The following SH2B1 variants were observed in gnomAD, a reference collection of about 807,000 sequenced individuals.
SH2B1 encodes the protein SH2B adaptor protein 1, also known as SH2B adapter protein 1.
Under a neutral mutation model 62.6 loss-of-function variants are expected in SH2B1, and 15 were observed. That is an observed-to-expected ratio of 0.24 (90% CI 0.16 to 0.37). The LOEUF is 0.37. SH2B1 is among the 10% of genes least tolerant of loss of function. The pLI is 1.00. For missense variants in SH2B1, 925 were observed against 1,015.6 expected, an observed-to-expected ratio of 0.91 and a Z score of 1.21; for synonymous variants, 443 against 438.0, an observed-to-expected ratio of 1.01 and a Z score of -0.14.
At chr16:28,857,031 C>T (rs1475261219) in intron 1 of SH2B1, among the ~76,000 whole-genome samples, 1 of 152,102 alleles carries the variant, frequency 6.6e-6, no homozygotes, top group Non-Finnish European at 1.5e-5. Context: ...ACCTGTAATC[C>T]CATCACTTTG....
In SH2B1 at chr16:28,852,385, TATATATATAC is replaced by T. The variant is rs1428268520; in HGVS notation, c.-301+5567_-301+5576del. 6.4e-5 allele frequency among the ~76,000 whole-genome samples: 3 copies of T among 46,874 alleles called. 1 individual carries two copies. Among genetic ancestry groups the T allele is most frequent in the South Asian group, 1.3e-3 (1 of 762 alleles). The allele number at this position is 46,874 out of a possible 152,430, so 30.8% of individuals were successfully genotyped here. A position where few individuals can be genotyped will look rare whatever the true frequency, so the allele number is the denominator to read the frequency against. ...ATATTTATATATATTTACATATATT[TATATATATAC>T]ATATATATTTACATATATATTTATA... On this transcript the variant is annotated intron_variant, in intron 1 of 10. Coordinates refer to the SH2B1 transcript ENST00000322610.
chr16:28,869,095 A>G lies in SH2B1; in HGVS notation c.1131A>G (p.Pro377=). Residue 377 remains proline, a splice_region_variant and synonymous_variant, in exon 3 of 8, where the codon CCA becomes CCG. Coordinates refer to ENST00000684370, the MANE Select transcript of SH2B1 (RefSeq NM_001387430.1). ...WVSDIQECLS[P]GPCPATSPRP... ...CTGACATCCAAGAATGCCTGAGCCC[A>G]GGGTGAGAAGCCTGACTTCTGTCGC... The G allele has an allele frequency of 1.9e-6, 3 of 1,614,126 alleles. No homozygotes were observed. Among genetic ancestry groups the G allele is most frequent in the Non-Finnish European group, 2.5e-6 (3 of 1,179,986 alleles).
upstream of SH2B1, chr16:28,863,508 G>C (rs1261207565): frequency 1.6e-6 from 1 of 621,592 alleles, no homozygotes; most frequent in Non-Finnish European, 2.7e-6. Context: ...CTGGTTTCCG[G>C]TGCTCGGCGG....
At position 28,873,861 on chromosome 16, in the gene SH2B1, C is replaced by T; in HGVS notation, c.*41C>T. The T allele has an allele frequency of 7.2e-7, 1 of 1,397,588 alleles. No homozygotes were observed. Among genetic ancestry groups the T allele is most frequent in the Non-Finnish European group, 9.3e-7 (1 of 1,079,462 alleles). 86.6% of individuals were successfully genotyped at this position (1,397,588 alleles called of 1,614,324 possible). A position where few individuals can be genotyped will look rare whatever the true frequency, so the allele number is the denominator to read the frequency against. The stretch of plus-strand genomic sequence containing the variant: ...TCCACCCTTTTTAAACCCCCCAGCC[C>T]TGCTCGTGAGATTGGGCTGGGTAGG... On this transcript the variant is annotated 3_prime_UTR_variant, in exon 8 of 8. Coordinates refer to ENST00000684370, the MANE Select transcript of SH2B1 (RefSeq NM_001387430.1). The surrounding 1 kb of genome is among the most constrained non-coding windows in gnomAD (Gnocchi z 4.2).
upstream of SH2B1, chr16:28,863,369 G>C (rs1329224063): frequency 1.8e-5 from 5 of 270,796 alleles, no homozygotes; most frequent in Non-Finnish European, 3.5e-5. Flanking sequence ...CCGCCTCCCC[G>C]CAGGGCCTCC....
intron 1 of SH2B1, among the ~76,000 whole-genome samples, chr16:28,852,849 T>C (rs1212649683): frequency 2.3e-5 from 1 of 43,396 alleles, no homozygotes; most frequent in African/African-American, 7.9e-5. Flanking sequence ...TACATATATA[T>C]ATTTTTATAT....
upstream of SH2B1, chr16:28,863,625 G>T: frequency 6.7e-7 from 1 of 1,487,858 alleles, no homozygotes; most frequent in Non-Finnish European, 9.0e-7. Flanking sequence ...ACGCTCTGGT[G>T]GGATCCAAGC....
chr16:28,866,291 G>T lies in SH2B1; in HGVS notation c.197G>T (p.Arg66Leu). The T allele has an allele frequency of 5.0e-6, 8 of 1,610,314 alleles. No homozygotes were observed. Among genetic ancestry groups the T allele is most frequent in the Non-Finnish European group, 5.9e-6 (7 of 1,179,096 alleles). ...AGPGAEAAFS[R>L]RFAELFLQHF... is the part of the protein sequence containing the mutation. ...CCCGGGGCCGAGGCTGCCTTCTCCC[G>T]CCGTTTTGCTGAGCTCTTCCTGCAG... The change falls in exon 1 of 8, where the codon CGC (arginine) becomes CTC (leucine). Residue 66 changes from arginine to leucine, a missense_variant. Around this residue, in one of 3 missense-constraint regions of SH2B1, gnomAD observed 683 missense variants for 704.0 expected, o/e 0.97. Transcript: ENST00000684370. The surrounding 1 kb of genome is among the most constrained non-coding windows in gnomAD (Gnocchi z 6.3).
In SH2B1 at chr16:28,873,250, T is replaced by C. The variant is rs1963146842; in HGVS notation, c.1898-197T>C. 6.2e-7 allele frequency: 1 copy of C among 1,607,872 alleles called. No individual in the cohort carries two copies. The highest frequency in any genetic ancestry group is 8.5e-7 in the Non-Finnish European group (1 of 1,178,632). ...CGATGCCTCCTGCACCCTCATGCCC[T>C]TCGGAGCGAGTGACTGTGTGTAAGT... On this transcript the variant is annotated intron_variant, in intron 7 of 7. Transcript: ENST00000684370. This position sits in a 1 kb window ranked among gnomAD's most constrained non-coding sequence, Gnocchi z 4.2.
intron 1 of SH2B1, chr16:28,846,891 A>T (rs1596605631): frequency 6.4e-6 from 1 of 155,144 alleles, no homozygotes; most frequent in South Asian, 1.9e-4. Context: ...CTCTTCGCTG[A>T]GACTTTGTTT....
Position 28,865,449 on chromosome 16 carries a change from CCT to C in SH2B1, c.-641_-640del. ...CTCTCTAAGGTCTAGAATCCCAGCT[CCT>C]CTCTAGCCCCCTGCGAGCTGGGGCG... On this transcript the variant is annotated 5_prime_UTR_variant, in exon 1 of 8. An upstream open reading frame in the 5' UTR loses its in-frame stop. Transcript: ENST00000684370. 1.0e-6 allele frequency: 1 copy of C among 985,564 alleles called. No homozygotes were observed. The highest frequency in any genetic ancestry group is 4.7e-5 in the South Asian group (1 of 21,284). The allele number at this position is 985,564 out of a possible 1,614,324, so 61.1% of individuals were successfully genotyped here.
Position 28,870,994 on chromosome 16 carries a change from CGTGTGTGTGTGT to C in SH2B1, c.1310-759_1310-748del, listed in dbSNP as rs35079060. 2.5e-4 allele frequency among the ~76,000 whole-genome samples: 36 copies of C among 141,542 alleles called. 1 individual carries two copies. Among genetic ancestry groups the C allele is most frequent in the Admixed American group, 7.1e-4 (10 of 14,006 alleles). 92.9% of individuals were successfully genotyped at this position (141,542 alleles called of 152,430 possible). A position where few individuals can be genotyped will look rare whatever the true frequency, so the allele number is the denominator to read the frequency against. ...GAGCCACTGTGTGCAGCCAGAATTC[CGTGTGTGTGTGT>C]GTGTGTGTGTGTGTGTGTGTGTGTG... On this transcript the variant is annotated intron_variant, in intron 4 of 7. Coordinates refer to ENST00000684370, the MANE Select transcript of SH2B1 (RefSeq NM_001387430.1).
In SH2B1 at chr16:28,865,612, C is replaced by T. The variant is rs1190814884; in HGVS notation, c.-483C>T. On this transcript the variant is annotated 5_prime_UTR_variant, in exon 1 of 8. Transcript: ENST00000684370. ...CATCTGTTCGAGAGGTCTTTGAAACCTCTCAGGGAAAGGTAAGATAACCAA... is the reference window on the plus strand; with the variant it reads ...CATCTGTTCGAGAGGTCTTTGAAACTTCTCAGGGAAAGGTAAGATAACCAA... 1 of 987,098 alleles carries T rather than the reference C, an allele frequency of 1.0e-6. No homozygotes were observed. Among genetic ancestry groups the T allele is most frequent in the Non-Finnish European group, 1.2e-6 (1 of 831,168 alleles). The allele number at this position is 987,098 out of a possible 1,614,324, so 61.1% of individuals were successfully genotyped here.
At chr16:28,857,880 C>T (rs1962358098) in intron 1 of SH2B1, among the ~76,000 whole-genome samples, 1 of 151,942 alleles carries the variant, frequency 6.6e-6, no homozygotes, top group Non-Finnish European at 1.5e-5. Context: ...GCTGGGACTA[C>T]AGGCGCCCAC....
In SH2B1 at chr16:28,873,745, G is replaced by T; in HGVS notation, c.2196G>T (p.Gln732His). The T allele has an allele frequency of 6.7e-7, 1 of 1,487,796 alleles. No homozygotes were observed. The highest frequency in any genetic ancestry group is 8.9e-7 in the Non-Finnish European group (1 of 1,118,378). 92.2% of individuals were successfully genotyped at this position (1,487,796 alleles called of 1,614,324 possible). Residue 732 changes from glutamine to histidine, a missense_variant, in exon 8 of 8, where the codon CAG becomes CAT. Physicochemically the swap from Gln to His is conservative, Grantham distance 24 (BLOSUM62 0). This residue lies in a region of SH2B1 where 185 missense variants were observed against 189.5 expected (regional missense o/e 0.98). Transcript: ENST00000684370. The surrounding 1 kb of genome is among the most constrained non-coding windows in gnomAD (Gnocchi z 4.2). Reference protein sequence around the residue: ...DAGVPPMVQLQQSPLGGDGEE... With the variant: ...DAGVPPMVQLHQSPLGGDGEE... The stretch of plus-strand genomic sequence containing the variant: ...GGGTGCCCCCAATGGTGCAGCTGCA[G>T]CAGTCACCACTAGGGGGTGATGGAG...
In SH2B1 at chr16:28,870,849, G is replaced by C. The variant is rs938170916; in HGVS notation, c.1310-931G>C. ...CAGGCGTGTGCCACCACCACACCTA[G>C]CTAATTTTTTATTTTTTGTAAGAGA... On this transcript the variant is annotated intron_variant, in intron 4 of 7. Transcript: ENST00000684370. Among the ~76,000 whole-genome samples the C allele has an allele frequency of 5.3e-5, 8 of 151,966 alleles. 1 individual carries two copies. The highest frequency in any genetic ancestry group is 3.9e-4 in the Admixed American group (6 of 15,256).
At chr16:28,858,214 G>A (rs888733263) in intron 1 of SH2B1, among the ~76,000 whole-genome samples, 3 of 152,022 alleles carry the variant, frequency 2.0e-5, no homozygotes, top group African/African-American at 7.2e-5. Flanking sequence ...CACCTCATTA[G>A]CAAAAACTCA....
In SH2B1 at chr16:28,865,585, C is replaced by T. The variant is rs938335175; in HGVS notation, c.-510C>T. On this transcript the variant is annotated 5_prime_UTR_variant, in exon 1 of 8. Coordinates refer to ENST00000684370, the MANE Select transcript of SH2B1 (RefSeq NM_001387430.1). The stretch of plus-strand genomic sequence containing the variant: ...TGAAACTTTTCTGAGCTTCGGTTTC[C>T]TCATCTGTTCGAGAGGTCTTTGAAA... 2 of 985,780 alleles carry T rather than the reference C, an allele frequency of 2.0e-6. No homozygotes were observed. The highest frequency in any genetic ancestry group is 1.7e-5 in the African/African-American group (1 of 57,242). The allele number at this position is 985,780 out of a possible 1,614,324, so 61.1% of individuals were successfully genotyped here. A position where few individuals can be genotyped will look rare whatever the true frequency, so the allele number is the denominator to read the frequency against.
Position 28,852,789 on chromosome 16 carries a change from T to TATATTTAC in SH2B1, c.-301+5967_-301+5974dup, listed in dbSNP as rs1962187481. Among the ~76,000 whole-genome samples the TATATTTAC allele has an allele frequency of 2.3e-5, 2 of 86,338 alleles. 1 individual carries two copies. The highest frequency in any genetic ancestry group is 4.0e-5 in the Non-Finnish European group (2 of 50,420). The allele number at this position is 86,338 out of a possible 152,430, so 56.6% of individuals were successfully genotyped here. ...ATATATTTATATATATATTTACATATATATTTACATATATATTTACATATA... is the reference window on the plus strand; with the variant it reads ...ATATATTTATATATATATTTACATATATATTTACATATTTACATATATATTTACATATA... On this transcript the variant is annotated intron_variant, in intron 1 of 10. Coordinates refer to the SH2B1 transcript ENST00000322610.
Sources: gnomAD v4.1 joint callset for allele counts (sites outside exome capture counted in the v4.1 genomes callset) on GRCh38, gnomAD v4.1.1 for gene constraint, gnomAD v4.1.1 regional missense constraint, Gnocchi (gnomAD v3.1) non-coding constraint, MANE v1.5 for transcripts, NCBI Gene and HGNC (gene_info 2026-07-23, HGNC 2026-07-21) for gene names.